Variants in STK24 observed in about 807,000 individuals in gnomAD.
The protein encoded by STK24 is serine/threonine kinase 24.
A neutral mutation model predicts 55.6 loss-of-function variants in STK24; 21 were observed. The observed-to-expected ratio is 0.38, with a 90% CI of 0.27 to 0.54. STK24 has a LOEUF of 0.54. Ranked by LOEUF, STK24 falls within the 20% of genes least tolerant of loss-of-function variation. The pLI, the probability that STK24 is intolerant of heterozygous loss-of-function variation, is 0.79. For missense variants in STK24, 383 were observed against 538.4 expected, an observed-to-expected ratio of 0.71 and a Z score of 2.86; for synonymous variants, 200 against 215.2, an observed-to-expected ratio of 0.93 and a Z score of 0.62.
rs7988959 is a variant in STK24, at chr13:98,451,750, T to C, written c.*1423A>G. The C allele has an allele frequency of 0.23, 34,924 of 152,156 alleles. 4,433 individuals carry two copies. The highest frequency in any genetic ancestry group is 0.3 in the Non-Finnish European group (20,201 of 68,006). The allele number at this position is 152,156 out of a possible 1,614,324, so 9.4% of individuals were successfully genotyped here. On this transcript the variant is annotated 3_prime_UTR_variant, in exon 11 of 11. Coordinates refer to ENST00000539966, the MANE Select transcript of STK24 (RefSeq NM_001032296.4). Reference sequence around the variant, plus strand: ...TCAACAAACATAAAAGAATGCTTCATGTACCAGTCAACAGCTGCTGCACGA... The same window carrying C: ...TCAACAAACATAAAAGAATGCTTCACGTACCAGTCAACAGCTGCTGCACGA...
chr13:98,517,045 G>A (rs1168290343), intron 2 of STK24, among the ~76,000 whole-genome samples: 4 of 152,196 alleles, frequency 2.6e-5, no homozygotes, highest in East Asian at 1.9e-4. Context: ...AGTAAAGATC[G>A]TGCTAAGGAG....
chr13:98,515,115 A>G (rs1409169621), intron 2 of STK24, among the ~76,000 whole-genome samples: 84 of 152,244 alleles, frequency 5.5e-4, no homozygotes, highest in South Asian at 2.7e-3. Flanking sequence ...AAAAAAAAAA[A>G]AAGATTTGTA....
At chr13:98,514,818 T>A (rs1456762491) in intron 2 of STK24, among the ~76,000 whole-genome samples, 1 of 152,240 alleles carries the variant, frequency 6.6e-6, no homozygotes. Context: ...TTAAGACTTG[T>A]GAATTTTGAG....
chr13:98,542,103 G>A (rs1392803097), intron 1 of STK24, among the ~76,000 whole-genome samples: 4 of 152,080 alleles, frequency 2.6e-5, no homozygotes, highest in Admixed American at 2.0e-4. Context: ...TTCTTATCCC[G>A]ACCTGAAGAC....
chr13:98,501,389 G>A, intron 2 of STK24, among the ~76,000 whole-genome samples: 1 of 152,184 alleles, frequency 6.6e-6, no homozygotes, highest in East Asian at 1.9e-4. Flanking sequence ...GGAGGGCAGG[G>A]GCAGCGAGAG....
At chr13:98,456,782 T>G (rs1433221923) in intron 10 of STK24, 3 of 352,860 alleles carry the variant, frequency 8.5e-6, no homozygotes, top group Non-Finnish European at 1.6e-5. Flanking sequence ...CCAAAGCTGC[T>G]GTCATTTCTC....
rs551574849 is a variant in STK24, at chr13:98,456,450, A to G, written c.1259+718T>C. On this transcript the variant is annotated intron_variant, in intron 10 of 10. Transcript: ENST00000539966. ...GGGGTGTGGAGGACAGCCCAGTGAC[A>G]AATCACCCTCAGGTCACACAGAGCG... 2.9e-4 allele frequency: 142 copies of G among 496,916 alleles called. No individual in the cohort carries two copies. In the Middle Eastern group the frequency reaches 6.4e-3, roughly 22 times the overall value. 30.8% of individuals were successfully genotyped at this position (496,916 alleles called of 1,614,324 possible).
chr13:98,480,931 T>G (rs1894558120), intron 3 of STK24, among the ~76,000 whole-genome samples: 1 of 152,152 alleles, frequency 6.6e-6, no homozygotes. Flanking sequence ...CCTTAATGAG[T>G]AATACCCGTG....
At chr13:98,507,487 G>GT (rs1395324170) in intron 2 of STK24, among the ~76,000 whole-genome samples, 4 of 152,200 alleles carry the variant, frequency 2.6e-5, no homozygotes, top group African/African-American at 9.6e-5. Flanking sequence ...CTGGGCCATG[G>GT]TTTTCTAGCC....
chr13:98,475,838 T>C (rs1354956718), intron 3 of STK24, among the ~76,000 whole-genome samples: 1 of 152,084 alleles, frequency 6.6e-6, no homozygotes, highest in African/African-American at 2.4e-5. Flanking sequence ...CTAACATATG[T>C]GGTTCCCTTA....
At chr13:98,495,241 A>G (rs1026143993) in intron 2 of STK24, among the ~76,000 whole-genome samples, 9 of 152,348 alleles carry the variant, frequency 5.9e-5, no homozygotes, top group African/African-American at 1.9e-4. Context: ...CTCCCTGGAA[A>G]TAAGTCTCCT....
intron 3 of STK24, among the ~76,000 whole-genome samples, chr13:98,480,351 A>C (rs1259787775): frequency 1.3e-5 from 2 of 152,236 alleles, no homozygotes; most frequent in Non-Finnish European, 2.9e-5. Context: ...CCTGTAAACA[A>C]CTTCGTATAT....
intron 1 of STK24, among the ~76,000 whole-genome samples, chr13:98,528,152 A>T (rs1415467948): frequency 6.6e-6 from 1 of 151,992 alleles, no homozygotes; most frequent in Non-Finnish European, 1.5e-5. Flanking sequence ...TCCAGGACAG[A>T]CCCGGGCCCA....
At chr13:98,537,910 T>C (rs368256036) in intron 1 of STK24, among the ~76,000 whole-genome samples, 16 of 152,242 alleles carry the variant, frequency 1.1e-4, no homozygotes, top group African/African-American at 3.9e-4. Flanking sequence ...GGGATGAACC[T>C]GCTGAGGGGC....
chr13:98,467,066 C>A (rs1299785731), intron 5 of STK24, among the ~76,000 whole-genome samples: 3 of 152,164 alleles, frequency 2.0e-5, no homozygotes, highest in Non-Finnish European at 4.4e-5. Context: ...TTTCTCTCAT[C>A]TGTAGAATGG....
intron 2 of STK24, among the ~76,000 whole-genome samples, chr13:98,507,592 CG>C (rs1895738597): frequency 6.6e-6 from 1 of 152,150 alleles, no homozygotes; most frequent in African/African-American, 2.4e-5. Context: ...CAAGGAATAC[CG>C]TATCTTAGGG....
At chr13:98,567,733 A>C (rs1294526895) in intron 1 of STK24, among the ~76,000 whole-genome samples, 7 of 152,136 alleles carry the variant, frequency 4.6e-5, no homozygotes, top group Admixed American at 4.6e-4. Context: ...GAATTTCCTC[A>C]CCTGCCTGGC....
intron 1 of STK24, chr13:98,576,358 C>T: frequency 2.7e-6 from 1 of 366,018 alleles, no homozygotes; most frequent in Non-Finnish European, 3.8e-6. Flanking sequence ...ACCCGGCCAC[C>T]ACGCAGGGCC....
intron 1 of STK24, among the ~76,000 whole-genome samples, chr13:98,559,002 T>TAAAAAAAAA (rs60756124): frequency 1.4e-4 from 6 of 43,032 alleles, no homozygotes; most frequent in African/African-American, 2.0e-4. Context: ...CTGTCTCTAC[T>TAAAAAAAAA]AAAAAAAAAA....
Sources: allele counts gnomAD v4.1 joint callset (sites outside exome capture counted in the v4.1 genomes callset), GRCh38; gene constraint gnomAD v4.1.1; transcripts MANE v1.5; gene names NCBI Gene and HGNC (gene_info 2026-07-23, HGNC 2026-07-21).